The following DNAAF8 variants were observed in gnomAD, a reference collection of about 807,000 sequenced individuals.
DNAAF8 encodes dynein axonemal-associated protein 1.
DNAAF8 carries 61 observed loss-of-function variants against 54.6 expected under a neutral mutation model. The observed-to-expected ratio is 1.12, with a 90% confidence interval of 0.91 to 1.38. DNAAF8 has a LOEUF of 1.38. Ranked by LOEUF, DNAAF8 falls within the 40% of genes most tolerant of loss-of-function variation. The probability of loss-of-function intolerance (pLI) is 0.00; values close to 1 mark genes in which losing one functional copy is unlikely to be tolerated. For missense variants in DNAAF8, 837 were observed against 665.0 expected, an observed-to-expected ratio of 1.26 and a Z score of -2.85; for synonymous variants, 320 against 270.1, an observed-to-expected ratio of 1.18 and a Z score of -1.81.
intron 3 of DNAAF8, 130 bp downstream of exon 3, chr16:4,738,076 A>G: frequency 1.7e-6 from 2 of 1,189,030 alleles, no homozygotes. Flanking sequence ...CCCCATGTAC[A>G]ACCCAAGGTA....
chr16:4,744,795 C>T lies in DNAAF8; in HGVS notation c.902-75C>T, dbSNP rs991013594. On this transcript the variant is annotated intron_variant, in intron 5 of 9. Transcript: ENST00000299320. The stretch of plus-strand genomic sequence containing the variant: ...ATTCACATGTGGAGACCCCAGGGGT[C>T]CTGAGGCTCCAGCTGCTGTAAGTCA... 4.0e-6 allele frequency: 6 copies of T among 1,516,082 alleles called. No individual in the cohort carries two copies. In the Admixed American group the frequency reaches 6.9e-5, roughly 17 times the overall value. 93.9% of individuals were successfully genotyped at this position (1,516,082 alleles called of 1,614,324 possible). A position where few individuals can be genotyped will look rare whatever the true frequency, so the allele number is the denominator to read the frequency against.
At chr16:4,743,997 T>C (rs1464870162) in intron 5 of DNAAF8, among the ~76,000 whole-genome samples, 2 of 150,072 alleles carry the variant, frequency 1.3e-5, no homozygotes, top group Non-Finnish European at 3.0e-5. Flanking sequence ...TGGCACGATC[T>C]CGGTTCACTG....
At chr16:4,747,686 G>A (rs2082035952) in intron 9 of DNAAF8, 52 bp downstream of exon 9, 1 of 1,513,164 alleles carries the variant, frequency 6.6e-7, no homozygotes, top group Non-Finnish European at 8.9e-7. Context: ...CATGGACCCT[G>A]GGCCCCGGTG....
At chr16:4,746,571 C>T (rs772263608) in intron 7 of DNAAF8, 59 bp downstream of exon 7, 23 of 1,543,584 alleles carry the variant, frequency 1.5e-5, no homozygotes, top group African/African-American at 9.6e-5. Flanking sequence ...GCCTGTTGAC[C>T]GCACAGAGCC....
chr16:4,743,233 G>A (rs1179658962), intron 5 of DNAAF8, 73 bp downstream of exon 5: 1 of 1,122,584 alleles, frequency 8.9e-7, no homozygotes, highest in African/African-American at 1.6e-5. Context: ...AGACACAGAG[G>A]GCTGCAGGCT....
intron 3 of DNAAF8, among the ~76,000 whole-genome samples, chr16:4,739,377 T>C (rs2081935268): frequency 6.8e-6 from 1 of 148,114 alleles, no homozygotes; most frequent in Non-Finnish European, 1.5e-5. Context: ...AAGGATGACT[T>C]GTACTCTAGC....
At chr16:4,742,176 G>T (rs2081967216) in intron 4 of DNAAF8, among the ~76,000 whole-genome samples, 1 of 152,044 alleles carries the variant, frequency 6.6e-6, no homozygotes, top group South Asian at 2.1e-4. Flanking sequence ...CTCCTGCCTG[G>T]AACAGCTTGA....
At position 4,735,637 on chromosome 16, in the gene DNAAF8, C is replaced by CAA. The variant is rs569870522; in HGVS notation, c.-51-813_-51-812dup. Reference sequence around the variant, plus strand: ...CAGGGGCTGGTCAGAGTAGTGACTCCAAAAAAAAAAAAAAATCACTTAGTG... The same window carrying CAA: ...CAGGGGCTGGTCAGAGTAGTGACTCCAAAAAAAAAAAAAAAAATCACTTAGTG... On this transcript the variant is annotated intron_variant, in intron 1 of 9. Transcript: ENST00000299320. Among the ~76,000 whole-genome samples the CAA allele has an allele frequency of 3.4e-3, 458 of 135,606 alleles. 7 individuals are homozygous for CAA. Among genetic ancestry groups the CAA allele is most frequent in the African/African-American group, 0.012 (425 of 36,780 alleles). The allele number at this position is 135,606 out of a possible 152,430, so 89.0% of individuals were successfully genotyped here. A position where few individuals can be genotyped will look rare whatever the true frequency, so the allele number is the denominator to read the frequency against.
chr16:4,739,506 G>C (rs2081936624), intron 3 of DNAAF8, among the ~76,000 whole-genome samples: 1 of 150,150 alleles, frequency 6.7e-6, no homozygotes. Flanking sequence ...TGCCTCAGTG[G>C]TGCTGTCTTT....
At chr16:4,745,553 C>G (rs741694) in intron 6 of DNAAF8, among the ~76,000 whole-genome samples, 70,064 of 152,166 alleles carry the variant, frequency 0.46, 19,428 homozygotes, top group East Asian at 0.65. Flanking sequence ...GCCCTCCCCA[C>G]ACTTTGGTTG....
chr16:4,735,860 G>A (rs2081887727), intron 1 of DNAAF8, among the ~76,000 whole-genome samples: 2 of 152,200 alleles, frequency 1.3e-5, no homozygotes, highest in African/African-American at 4.8e-5. Context: ...GGAGGCTGAG[G>A]TGGGAGGATC....
chr16:4,740,681 G>C, intron 4 of DNAAF8, 22 bp downstream of exon 4: 1 of 1,558,344 alleles, frequency 6.4e-7, no homozygotes, highest in African/African-American at 1.4e-5. Flanking sequence ...CCCGTGCCTG[G>C]CTGTTTCTCA....
At chr16:4,748,396 C>T (rs1343810427) in intron 9 of DNAAF8, 1 of 152,078 alleles carries the variant, frequency 6.6e-6, no homozygotes, top group Non-Finnish European at 1.5e-5. Flanking sequence ...TTTGCTTTCT[C>T]TTTCTCTTCT....
chr16:4,740,205 C>G lies in DNAAF8; in HGVS notation c.329C>G (p.Thr110Arg). The G allele has an allele frequency of 2.5e-6, 4 of 1,614,036 alleles. No individual in the cohort carries two copies. Among genetic ancestry groups the G allele is most frequent in the Non-Finnish European group, 2.5e-6 (3 of 1,179,960 alleles). ...ACAGAACCTGGGTGCAGACAGAACA[C>G]AAGGACAAAGGATGCATCCTCTCAG... The part of the protein sequence containing the change: ...LATEPGCRQN[T>R]RTKDASSQEG... Residue 110 changes from threonine to arginine, a missense_variant, in exon 4 of 10, where the codon ACA becomes AGA. Transcript: ENST00000299320.
chr16:4,743,219 C>G, intron 5 of DNAAF8, 59 bp downstream of exon 5: 1 of 1,287,300 alleles, frequency 7.8e-7, no homozygotes, highest in Non-Finnish European at 1.1e-6. Context: ...TTCCTGGGCC[C>G]CTCAGACACA....
At chr16:4,739,803 G>C (rs1342243022) in intron 3 of DNAAF8, among the ~76,000 whole-genome samples, 1 of 151,984 alleles carries the variant, frequency 6.6e-6, no homozygotes, top group African/African-American at 2.4e-5. Context: ...CCACCACTTT[G>C]GGAGGCTGAG....
rs772768039 is a variant in DNAAF8, at chr16:4,747,513, A to C, written c.1451A>C (p.Lys484Thr). 2 of 1,613,276 alleles carry C rather than the reference A, an allele frequency of 1.2e-6. No individual in the cohort carries two copies. Among genetic ancestry groups the C allele is most frequent in the Admixed American group, 1.7e-5 (1 of 60,026 alleles). ...GRKQHMKLCA[K>T]GQSAQARLPR... ...AAGCAACACATGAAGCTCTGTGCCA[A>C]GGGGCAGAGCGCCCAGGCTCGACTC... Residue 484 changes from lysine to threonine, a missense_variant, in exon 9 of 10, where the codon AAG becomes ACG. By Grantham distance (78) the Lys-to-Thr change is moderately conservative. Transcript: ENST00000299320.
chr16:4,747,272 T>C, intron 8 of DNAAF8, 71 bp from the exon 9 acceptor site: 2 of 1,484,536 alleles, frequency 1.3e-6, no homozygotes, highest in African/African-American at 1.4e-5. Context: ...GCTTTTCTCC[T>C]GTTTCAGTAA....
intron 2 of DNAAF8, 132 bp from the exon 3 acceptor site, chr16:4,737,668 G>A (rs913978444): frequency 8.6e-7 from 1 of 1,164,222 alleles, no homozygotes; most frequent in Admixed American, 2.0e-5. Context: ...CTGAGCAGCA[G>A]GGCTGGACGG....
Sources: allele counts gnomAD v4.1 joint callset (sites outside exome capture counted in the v4.1 genomes callset), GRCh38; gene constraint gnomAD v4.1.1; transcripts MANE v1.5; gene names NCBI Gene and HGNC (gene_info 2026-07-23, HGNC 2026-07-21).